The following TRHDE variants were observed in gnomAD, a reference collection of about 807,000 sequenced individuals.
TRHDE encodes the protein thyrotropin releasing hormone degrading enzyme.
TRHDE carries 72 observed loss-of-function variants against 125.7 expected under a neutral mutation model. That is an observed-to-expected ratio of 0.57 (90% CI 0.47 to 0.70). The LOEUF is 0.70. TRHDE is among the 30% of genes least tolerant of loss of function. The pLI is 0.00. For synonymous variants in TRHDE, 509 were observed against 509.1 expected (o/e 1.00, Z 0.00); for missense variants, 1,110 against 1,327.1 (o/e 0.84, Z 2.54).
chr12:72,396,547 C>A (rs2135797225), intron 3 of TRHDE, among the ~76,000 whole-genome samples: 1 of 152,162 alleles, frequency 6.6e-6, no homozygotes, highest in Non-Finnish European at 1.5e-5. Context: ...AAATCGAGAC[C>A]ATCCTGGCCA....
Position 72,575,317 on chromosome 12 carries a change from G to T in TRHDE, c.2194G>T (p.Gly732Cys). ...GCTGCTGGGGAACATCAATCAAACTGGCTATTTTAGAGTCAACTATGACCT... is the reference window on the plus strand; with the variant it reads ...GCTGCTGGGGAACATCAATCAAACTTGCTATTTTAGAGTCAACTATGACCT... Reference protein sequence around the residue: ...SWLLGNINQTGYFRVNYDLRN... With the variant: ...SWLLGNINQTCYFRVNYDLRN... Residue 732 changes from glycine (G) to cysteine (C), a missense_variant, in exon 11 of 19, where the codon GGC becomes TGC. By Grantham distance (159) the Gly-to-Cys change is radical. Transcript: ENST00000261180. 6.2e-7 allele frequency: 1 copy of T among 1,613,392 alleles called. No homozygotes were observed. Among genetic ancestry groups the T allele is most frequent in the Non-Finnish European group, 8.5e-7 (1 of 1,179,692 alleles).
intron 2 of TRHDE, among the ~76,000 whole-genome samples, chr12:72,315,625 G>T (rs538246715): frequency 5.9e-5 from 9 of 152,330 alleles, no homozygotes; most frequent in African/African-American, 2.2e-4. Context: ...CCTCTCAGAG[G>T]CATATGGGCA....
At position 72,237,373 on chromosome 12, in the gene TRHDE, G is replaced by A. The variant is rs150751279; in HGVS notation, n.279+131621G>A. On this transcript the variant is annotated intron_variant and non_coding_transcript_variant, in intron 2 of 4. Coordinates refer to the TRHDE transcript ENST00000548156. ...AAAATTGCAGAGAGCTTATCAAAGT[G>A]CTGAATCAGAGACTCAATGTATAGA... is the stretch of plus-strand genomic sequence containing the variant. Among the ~76,000 whole-genome samples, 89 of 152,312 alleles carry A rather than the reference G, an allele frequency of 5.8e-4. 2 individuals are homozygous for A. In the East Asian group the frequency reaches 0.016, roughly 28 times the overall value.
chr12:72,156,746 G>A (rs1876521575), intron 2 of TRHDE, among the ~76,000 whole-genome samples: 1 of 152,130 alleles, frequency 6.6e-6, no homozygotes, highest in South Asian at 2.1e-4. Flanking sequence ...TTTAGGTGAA[G>A]AAACAAGGGA....
At chr12:72,526,533 A>G (rs1249740861) in intron 6 of TRHDE, among the ~76,000 whole-genome samples, 6 of 152,172 alleles carry the variant, frequency 3.9e-5, no homozygotes, top group South Asian at 4.1e-4. Context: ...ATTATTCTGT[A>G]AACATAAATA....
At chr12:72,432,245 G>A (rs1422860823) in intron 3 of TRHDE, among the ~76,000 whole-genome samples, 1 of 152,128 alleles carries the variant, frequency 6.6e-6, no homozygotes, top group Non-Finnish European at 1.5e-5. Context: ...AGAGCAGCTA[G>A]GTGACTACCT....
At chr12:72,391,781 C>T (rs1872619997) in intron 3 of TRHDE, among the ~76,000 whole-genome samples, 2 of 152,094 alleles carry the variant, frequency 1.3e-5, no homozygotes, top group South Asian at 2.1e-4. Flanking sequence ...ATGAGCCAAA[C>T]TTCTCTAGTG....
chr12:72,113,186 T>C (rs1473982115), intron 2 of TRHDE, among the ~76,000 whole-genome samples: 1 of 150,440 alleles, frequency 6.6e-6, no homozygotes, highest in Non-Finnish European at 1.5e-5. Flanking sequence ...CCTGGCTAAA[T>C]TTTTTTTTTC....
intron 2 of TRHDE, among the ~76,000 whole-genome samples, chr12:72,345,347 CA>C (rs1870279674): frequency 1.3e-5 from 2 of 152,044 alleles, no homozygotes; most frequent in Non-Finnish European, 2.9e-5. Flanking sequence ...AGCCAATTTC[CA>C]GTTACTAACA....
chr12:72,515,425 A>G (rs1878800798), intron 6 of TRHDE, among the ~76,000 whole-genome samples: 1 of 151,370 alleles, frequency 6.6e-6, no homozygotes, highest in Non-Finnish European at 1.5e-5. Flanking sequence ...TTTTGGCTGC[A>G]TAAATGTCTT....
At chr12:72,107,423 T>A (rs147557853) in intron 2 of TRHDE, among the ~76,000 whole-genome samples, 1 of 152,202 alleles carries the variant, frequency 6.6e-6, no homozygotes, top group Non-Finnish European at 1.5e-5. Flanking sequence ...CACCTAAATA[T>A]ATGCTAAAAT....
intron 3 of TRHDE, among the ~76,000 whole-genome samples, chr12:72,456,197 A>G (rs902111741): frequency 6.0e-5 from 9 of 150,136 alleles, no homozygotes; most frequent in African/African-American, 1.5e-4. Flanking sequence ...AGAGTTGGAC[A>G]TATGTTCCTT....
At chr12:72,287,620 C>T (rs1481718422) in intron 2 of TRHDE, among the ~76,000 whole-genome samples, 1 of 151,584 alleles carries the variant, frequency 6.6e-6, no homozygotes, top group East Asian at 1.9e-4. Flanking sequence ...AATACATACC[C>T]TATTTTAAAA....
chr12:72,510,700 G>A (rs1300382085), intron 6 of TRHDE, among the ~76,000 whole-genome samples: 1 of 152,058 alleles, frequency 6.6e-6, no homozygotes, highest in Non-Finnish European at 1.5e-5. Context: ...ATACTAGCAT[G>A]CATATAAAAA....
chr12:72,111,138 G>GA (rs564477496), intron 2 of TRHDE, among the ~76,000 whole-genome samples: 18 of 152,108 alleles, frequency 1.2e-4, no homozygotes, highest in Non-Finnish European at 2.5e-4. Flanking sequence ...CTCTTTAAGA[G>GA]AAAAAATGTT....
intron 2 of TRHDE, chr12:72,254,761 C>T (rs1434174357): frequency 6.6e-6 from 1 of 152,188 alleles, no homozygotes; most frequent in South Asian, 2.1e-4. Flanking sequence ...TCTTCTAGAA[C>T]CCATCCCCTC....
chr12:72,388,422 T>C (rs2135788218), intron 3 of TRHDE, among the ~76,000 whole-genome samples: 4 of 152,304 alleles, frequency 2.6e-5, no homozygotes, highest in Middle Eastern at 6.8e-3. Flanking sequence ...AAACAAGTGT[T>C]TTTGCCTGTT....
intron 3 of TRHDE, among the ~76,000 whole-genome samples, chr12:72,427,974 A>G (rs1874262150): frequency 6.6e-6 from 1 of 152,196 alleles, no homozygotes; most frequent in African/African-American, 2.4e-5. Flanking sequence ...TAGGTTTAAG[A>G]TGAAGTCAAG....
At chr12:72,512,505 T>G (rs1878636459) in intron 6 of TRHDE, among the ~76,000 whole-genome samples, 1 of 138,750 alleles carries the variant, frequency 7.2e-6, no homozygotes, top group Non-Finnish European at 1.5e-5. Flanking sequence ...ATTATATAGT[T>G]ATAATTATAT....
Sources: allele counts gnomAD v4.1 joint callset (sites outside exome capture counted in the v4.1 genomes callset), GRCh38; gene constraint gnomAD v4.1.1; transcripts MANE v1.5; gene names NCBI Gene and HGNC (gene_info 2026-07-23, HGNC 2026-07-21).